The following PHEX variants were observed in gnomAD, a reference collection of about 807,000 sequenced individuals.
The protein encoded by PHEX is phosphate-regulating neutral endopeptidase PHEX.
PHEX carries 16 observed loss-of-function variants against 68.0 expected under a neutral mutation model. The ratio of observed to expected loss-of-function variants is 0.24; its 90% CI spans 0.16 to 0.36. PHEX has a LOEUF of 0.36. PHEX is among the 10% of genes least tolerant of loss of function. PHEX has a pLI of 1.00. For synonymous variants in PHEX, 208 were observed against 205.1 expected, an observed-to-expected ratio of 1.01 and a Z score of -0.12; for missense variants, 480 against 575.5, an observed-to-expected ratio of 0.83 and a Z score of 1.70.
intron 3 of PHEX, among the ~76,000 whole-genome samples, chrX:22,070,673 A>C (rs1928859623): frequency 8.9e-6 from 1 of 111,845 alleles, no homozygotes; most frequent in Admixed American, 9.5e-5. Flanking sequence ...GTGACAGCAC[A>C]AGACCCTGTC....
At chrX:22,039,493 C>T (rs1198661577) in intron 2 of PHEX, among the ~76,000 whole-genome samples, 1 of 111,995 alleles carries the variant, frequency 8.9e-6, no homozygotes, top group Non-Finnish European at 1.9e-5. Context: ...GTTGGGATTC[C>T]AAAGAAAGAA....
At chrX:22,062,024 C>T (rs185879793) in intron 3 of PHEX, among the ~76,000 whole-genome samples, 4,417 of 111,176 alleles carry the variant, frequency 0.04, 221 homozygotes, top group African/African-American at 0.14. Context: ...GCAGGGCAAA[C>T]TGCCTTATAA....
At chrX:22,044,332 T>C (rs1054214682) in intron 2 of PHEX, among the ~76,000 whole-genome samples, 3 of 111,615 alleles carry the variant, frequency 2.7e-5, no homozygotes, top group African/African-American at 9.8e-5. Context: ...ATTCTGTGGC[T>C]GCATACAGTA....
At chrX:22,235,685 T>A (rs1471387299) in intron 20 of PHEX, among the ~76,000 whole-genome samples, 2 of 111,713 alleles carry the variant, frequency 1.8e-5, no homozygotes, top group Non-Finnish European at 3.8e-5. Context: ...CATAAGAATT[T>A]TGGGGGATAG....
At chrX:22,222,672 T>C (rs927748180) in intron 18 of PHEX, among the ~76,000 whole-genome samples, 1 of 112,033 alleles carries the variant, frequency 8.9e-6, no homozygotes, top group Non-Finnish European at 1.9e-5. Flanking sequence ...CAAAAAACAA[T>C]AGAACAGCTT....
chrX:22,218,025 C>T (rs1276974472), intron 16 of PHEX, among the ~76,000 whole-genome samples: 1 of 109,968 alleles, frequency 9.1e-6, no homozygotes, highest in African/African-American at 3.3e-5. Context: ...GCTGGACTCA[C>T]AGACAGGTGA....
rs767427740 is a variant in PHEX, at chrX:22,220,133, G to A, written c.1768+1030G>A. Among the ~76,000 whole-genome samples, 16 of 111,257 alleles carry A rather than the reference G, an allele frequency of 1.4e-4. No individual in the cohort carries two copies. In the East Asian group the frequency reaches 3.4e-3, roughly 24 times the overall value. ...GCCACATGAAATCTCTGAAACTTAC[G>A]GATTAGTAGCAAATTACTATCACAT... On this transcript the variant is annotated intron_variant, in intron 17 of 21. Transcript: ENST00000379374.
intron 16 of PHEX, among the ~76,000 whole-genome samples, chrX:22,218,453 A>C (rs927066093): frequency 3.6e-5 from 4 of 111,848 alleles, no homozygotes; most frequent in Non-Finnish European, 3.8e-5. Context: ...GAAGAGAAAT[A>C]ATGTGGCACC....
In PHEX at chrX:22,134,369, T is replaced by C. The variant is rs191744651; in HGVS notation, c.1404+745T>C. ...ACTTTGGGAGGCTGAGGCAGGTGGA[T>C]CACTTGAGGTCAGGAGTTTGAGATC... On this transcript the variant is annotated intron_variant, in intron 12 of 21. Transcript: ENST00000379374. Among the ~76,000 whole-genome samples the C allele has an allele frequency of 2.7e-5, 3 of 112,298 alleles. No homozygotes were observed. The East Asian group carries it at 8.4e-4, about 31-fold the overall frequency.
intron 15 of PHEX, among the ~76,000 whole-genome samples, chrX:22,203,553 C>T (rs186937131): frequency 9.0e-4 from 100 of 111,022 alleles, no homozygotes; most frequent in African/African-American, 3.0e-3. Flanking sequence ...ACAGCAAAAA[C>T]CATAACCAAA....
intron 15 of PHEX, among the ~76,000 whole-genome samples, chrX:22,212,324 G>T (rs1934954668): frequency 9.0e-6 from 1 of 111,269 alleles, no homozygotes; most frequent in Non-Finnish European, 1.9e-5. Context: ...GCCTGATGGA[G>T]TCCTGTGCTC....
intron 20 of PHEX, among the ~76,000 whole-genome samples, chrX:22,237,057 A>AT (rs1936006137): frequency 8.9e-6 from 1 of 112,092 alleles, no homozygotes; most frequent in African/African-American, 3.2e-5. Flanking sequence ...GAATGAAGAG[A>AT]TTTTTCAGTC....
chrX:22,055,174 CAAAAAAAAAAAAAAAAAA>C (rs111628195), intron 3 of PHEX, among the ~76,000 whole-genome samples: 8 of 66,084 alleles, frequency 1.2e-4, no homozygotes, highest in Non-Finnish European at 2.4e-4. Flanking sequence ...GACTCCAGCT[CAAAAAAAAAAAAAAAAAA>C]AAAAAAAAAA....
chrX:22,236,537 A>AAT (rs1373365256), intron 20 of PHEX, among the ~76,000 whole-genome samples: 1 of 113,044 alleles, frequency 8.8e-6, no homozygotes, highest in Admixed American at 9.3e-5. Context: ...AGTATACAAA[A>AAT]ATAGAACTTT....
chrX:22,081,173 C>G (rs1426902132), intron 5 of PHEX, among the ~76,000 whole-genome samples: 1 of 110,811 alleles, frequency 9.0e-6, no homozygotes. Context: ...GCATTTACCT[C>G]CCCTCTTGGT....
chrX:22,232,513 G>A (rs5904634), intron 20 of PHEX, among the ~76,000 whole-genome samples: 1 of 104,267 alleles, frequency 9.6e-6, no homozygotes, highest in African/African-American at 3.5e-5. Context: ...ACCCCTTTAC[G>A]ATTATGTAAT....
intron 20 of PHEX, among the ~76,000 whole-genome samples, chrX:22,235,104 C>T (rs929279762): frequency 1.3e-4 from 15 of 111,687 alleles, no homozygotes; most frequent in African/African-American, 4.6e-4. Flanking sequence ...CGACCCCTTG[C>T]ACTTCCTGGG....
At chrX:22,038,352 C>T (rs1439340523) in intron 1 of PHEX, 117 bp from the exon 2 acceptor site, 15 of 575,297 alleles carry the variant, frequency 2.6e-5, no homozygotes, top group South Asian at 2.0e-4. Context: ...TTTGGAATAC[C>T]GTGTCAACAC....
intron 11 of PHEX, among the ~76,000 whole-genome samples, chrX:22,125,637 A>C (rs1451862823): frequency 9.0e-6 from 1 of 111,444 alleles, no homozygotes. Context: ...CTTGATTTCC[A>C]CTAAAGTTTG....
Sources: gnomAD v4.1 joint callset for allele counts (sites outside exome capture counted in the v4.1 genomes callset) on GRCh38, gnomAD v4.1.1 for gene constraint, MANE v1.5 for transcripts, NCBI Gene and HGNC (gene_info 2026-07-23, HGNC 2026-07-21) for gene names.